The following FNDC3A variants were observed in gnomAD, a reference collection of about 807,000 sequenced individuals.
The protein encoded by FNDC3A is fibronectin type III domain containing 3A.
A neutral mutation model predicts 148.9 loss-of-function variants in FNDC3A; 32 were observed. The ratio of observed to expected loss-of-function variants is 0.21; its 90% CI spans 0.16 to 0.29. The LOEUF is 0.29. Ranked by LOEUF, FNDC3A falls within the 10% of genes least tolerant of loss-of-function variation. The pLI is 1.00. For missense variants in FNDC3A, 1,191 were observed against 1,452.8 expected (o/e 0.82, Z 2.93); for synonymous variants, 472 against 473.6 (o/e 1.00, Z 0.04).
At chr13:49,081,235 C>G (rs1478676658) in intron 3 of FNDC3A, among the ~76,000 whole-genome samples, 3 of 152,084 alleles carry the variant, frequency 2.0e-5, no homozygotes, top group Non-Finnish European at 4.4e-5. Flanking sequence ...ATTGTTATGG[C>G]ACTTCTACTT....
intron 2 of FNDC3A, among the ~76,000 whole-genome samples, chr13:49,021,751 C>G (rs1018862421): frequency 3.9e-5 from 6 of 152,196 alleles, no homozygotes; most frequent in African/African-American, 1.4e-4. Context: ...TGTTATGGAG[C>G]AATGGATTTT....
At chr13:49,146,258 G>C (rs1485279028) in intron 8 of FNDC3A, 5 of 208,666 alleles carry the variant, frequency 2.4e-5, no homozygotes, top group Non-Finnish European at 4.7e-5. Context: ...ACCAAAAATG[G>C]ACAATTCATG....
intron 2 of FNDC3A, among the ~76,000 whole-genome samples, chr13:49,057,928 G>A (rs1217501809): frequency 6.6e-6 from 1 of 152,052 alleles, no homozygotes; most frequent in Non-Finnish European, 1.5e-5. Flanking sequence ...GGACTGAATT[G>A]TATCTCCCCC....
At chr13:49,110,502 C>G (rs1880493786) in intron 3 of FNDC3A, 5 of 835,036 alleles carry the variant, frequency 6.0e-6, no homozygotes, top group Non-Finnish European at 1.0e-5. Context: ...AAAATAGATG[C>G]TAAATATCAT....
chr13:49,021,055 A>G lies in FNDC3A; in HGVS notation c.99+14766A>G, dbSNP rs142816939. Among the ~76,000 whole-genome samples, 125 of 152,354 alleles carry G rather than the reference A, an allele frequency of 8.2e-4. 1 individual carries two copies. Among genetic ancestry groups the G allele is most frequent in the African/African-American group, 2.6e-3 (108 of 41,580 alleles). On this transcript the variant is annotated intron_variant, in intron 2 of 25. Coordinates refer to ENST00000492622, the MANE Select transcript of FNDC3A (RefSeq NM_001079673.2). The stretch of plus-strand genomic sequence containing the variant: ...GTTTATTCATACTGAGAGAATTTCA[A>G]TTTGATATGGGAAAAAAATGTTAGT...
intron 8 of FNDC3A, among the ~76,000 whole-genome samples, chr13:49,149,887 T>C (rs1353040709): frequency 6.6e-6 from 1 of 152,240 alleles, no homozygotes; most frequent in African/African-American, 2.4e-5. Context: ...GGTTCATATT[T>C]TCTATTTCTC....
At chr13:49,017,489 G>A (rs1454755449) in intron 2 of FNDC3A, among the ~76,000 whole-genome samples, 3 of 151,990 alleles carry the variant, frequency 2.0e-5, no homozygotes, top group East Asian at 3.9e-4. Context: ...TTGAGCCTAT[G>A]TGTGTCTCTG....
chr13:49,019,103 G>T (rs1012996602), intron 2 of FNDC3A, among the ~76,000 whole-genome samples: 7 of 152,388 alleles, frequency 4.6e-5, no homozygotes, highest in Admixed American at 3.9e-4. Context: ...CGGCAGGCAG[G>T]CCTCCTGGAG....
chr13:49,198,841 A>G (rs553707629), intron 23 of FNDC3A, among the ~76,000 whole-genome samples: 1 of 152,340 alleles, frequency 6.6e-6, no homozygotes, highest in South Asian at 2.1e-4. Flanking sequence ...TGCTGTTTTT[A>G]AAACGTTAGA....
chr13:49,018,535 C>G (rs1285497452), intron 2 of FNDC3A, among the ~76,000 whole-genome samples: 1 of 152,268 alleles, frequency 6.6e-6, no homozygotes, highest in South Asian at 2.1e-4. Flanking sequence ...AACTTCTTTG[C>G]CTTTGGTTTG....
At chr13:49,115,510 C>T (rs1880892154) in intron 4 of FNDC3A, among the ~76,000 whole-genome samples, 1 of 152,164 alleles carries the variant, frequency 6.6e-6, no homozygotes, top group South Asian at 2.1e-4. Context: ...GGATTTTCTG[C>T]ACACTCTGTG....
At chr13:49,169,149 G>T (rs1884631008) in intron 10 of FNDC3A, among the ~76,000 whole-genome samples, 1 of 152,118 alleles carries the variant, frequency 6.6e-6, no homozygotes, top group African/African-American at 2.4e-5. Flanking sequence ...TAAAGTTATT[G>T]TCAATAGAAA....
chr13:49,085,042 T>G (rs1389568981), intron 3 of FNDC3A, among the ~76,000 whole-genome samples: 2 of 152,150 alleles, frequency 1.3e-5, no homozygotes, highest in African/African-American at 2.4e-5. Context: ...CTTCCTGCCA[T>G]TACAGGTCTT....
chr13:49,050,809 T>G (rs1057414271), intron 2 of FNDC3A, among the ~76,000 whole-genome samples: 1 of 152,232 alleles, frequency 6.6e-6, no homozygotes, highest in Non-Finnish European at 1.5e-5. Flanking sequence ...AATTGTTTTA[T>G]AAATGTGGGG....
At chr13:49,052,157 C>A (rs1198581522) in intron 2 of FNDC3A, among the ~76,000 whole-genome samples, 2 of 152,116 alleles carry the variant, frequency 1.3e-5, no homozygotes, top group Admixed American at 6.5e-5. Flanking sequence ...GCTTAATAAT[C>A]TACCTTCTGA....
chr13:49,064,079 A>G (rs1476836444), intron 2 of FNDC3A, among the ~76,000 whole-genome samples: 1 of 152,202 alleles, frequency 6.6e-6, no homozygotes, highest in Non-Finnish European at 1.5e-5. Context: ...GTGGTGGCTC[A>G]TGCCTGTAAT....
chr13:49,022,457 A>C (rs1432021604), intron 2 of FNDC3A, among the ~76,000 whole-genome samples: 1 of 152,184 alleles, frequency 6.6e-6, no homozygotes, highest in Non-Finnish European at 1.5e-5. Flanking sequence ...AATCTAATGT[A>C]AAAACTTTAA....
intron 3 of FNDC3A, among the ~76,000 whole-genome samples, chr13:49,111,773 T>TA (rs199756417): frequency 1.1e-4 from 17 of 149,578 alleles, no homozygotes; most frequent in African/African-American, 1.5e-4. Context: ...TGCCTCAGGA[T>TA]AAAAAAAAAA....
chr13:49,131,211 A>ATCCTCCACC lies in FNDC3A; in HGVS notation c.327_328insTCCTCCACC (p.Thr109_Val110insSerSerThr). 3.1e-6 allele frequency: 5 copies of ATCCTCCACC among 1,614,140 alleles called. No homozygotes were observed. Among genetic ancestry groups the ATCCTCCACC allele is most frequent in the Non-Finnish European group, 4.2e-6 (5 of 1,180,018 alleles). ...CAGAGTTTCACCCTGGTAGTCACAC[A>ATCCTCCACC]GTTCTCCACCGTTCTCCACATCCTC... On this transcript the variant is annotated inframe_insertion, in exon 5 of 26. Coordinates refer to ENST00000492622, the MANE Select transcript of FNDC3A (RefSeq NM_001079673.2).
Sources: gnomAD v4.1 joint callset for allele counts (sites outside exome capture counted in the v4.1 genomes callset) on GRCh38, gnomAD v4.1.1 for gene constraint, MANE v1.5 for transcripts, NCBI Gene and HGNC (gene_info 2026-07-23, HGNC 2026-07-21) for gene names.